MDGA2: variants seen among roughly 807,000 people sequenced by gnomAD.
MDGA2 encodes the protein MAM domain containing glycosylphosphatidylinositol anchor 2, also known as MAM domain-containing glycosylphosphatidylinositol anchor protein 2.
A neutral mutation model predicts 117.8 loss-of-function variants in MDGA2; 40 were observed. The observed-to-expected ratio is 0.34, with a 90% confidence interval of 0.26 to 0.44. The LOEUF (loss-of-function observed/expected upper bound fraction) is 0.44, where lower values mean the gene tolerates loss of function less well. Among genes scored for constraint, MDGA2 ranks in the 20% least tolerant of loss-of-function variants. The probability of loss-of-function intolerance (pLI) is 1.00; values close to 1 mark genes in which losing one functional copy is unlikely to be tolerated. For missense variants in MDGA2, 1,123 were observed against 1,250.6 expected (o/e 0.90, Z 1.54); for synonymous variants, 452 against 439.0 (o/e 1.03, Z -0.37).
chr14:47,596,626 T>C (rs1172780758), intron 1 of MDGA2, among the ~76,000 whole-genome samples: 2 of 152,176 alleles, frequency 1.3e-5, no homozygotes, highest in Non-Finnish European at 2.9e-5. Flanking sequence ...AGCAAGTGCC[T>C]AGAAATTGTA....
intron 1 of MDGA2, among the ~76,000 whole-genome samples, chr14:47,443,030 G>A (rs1357087135): frequency 6.6e-6 from 1 of 152,046 alleles, no homozygotes. Flanking sequence ...AATCATGGCC[G>A]CAATGTGCAA....
At chr14:47,629,040 AC>A (rs1897205860) in intron 1 of MDGA2, among the ~76,000 whole-genome samples, 2 of 152,154 alleles carry the variant, frequency 1.3e-5, no homozygotes, top group South Asian at 4.1e-4. Context: ...CTGTTCTTTC[AC>A]TTCTCTTGAT....
chr14:46,957,457 C>T lies in MDGA2; in HGVS notation c.2006G>A (p.Ser669Asn). The T allele has an allele frequency of 6.2e-7, 1 of 1,614,116 alleles. No individual in the cohort carries two copies. The highest frequency in any genetic ancestry group is 1.1e-5 in the South Asian group (1 of 91,088). ...SQEYTEYAVK[S>N]LSNENYGVYN... ...AACCCCATAGTTTTCATTGGAAAGA[C>T]TCTTCACAGCGTACTCTGTGTATTC... The change falls in exon 9 of 17, where the codon AGT (serine) becomes AAT (asparagine). Residue 669 changes from serine (S) to asparagine (N), a missense_variant. Ser to Asn is a conservative substitution (Grantham distance 46). This residue lies in a region of MDGA2 where 890 missense variants were observed against 1,050.3 expected (regional missense o/e 0.85). Coordinates refer to ENST00000399232, the MANE Select transcript of MDGA2 (RefSeq NM_001113498.3).
At chr14:47,560,361 G>A (rs1431707101) in intron 1 of MDGA2, among the ~76,000 whole-genome samples, 4 of 152,068 alleles carry the variant, frequency 2.6e-5, no homozygotes, top group East Asian at 1.9e-4. Flanking sequence ...GTTAGCCACC[G>A]CGCCCAGCCT....
chr14:47,607,565 G>C (rs929448206), intron 1 of MDGA2, among the ~76,000 whole-genome samples: 1 of 152,112 alleles, frequency 6.6e-6, no homozygotes, highest in Non-Finnish European at 1.5e-5. Flanking sequence ...AAGATCAATG[G>C]CAGCAGTTTT....
intron 1 of MDGA2, among the ~76,000 whole-genome samples, chr14:47,413,006 T>G (rs1174206196): frequency 2.6e-5 from 4 of 152,302 alleles, no homozygotes; most frequent in Non-Finnish European, 5.9e-5. Context: ...TTTCATTTTG[T>G]TTTTTCAGGA....
chr14:47,187,917 T>G (rs1884969058), intron 3 of MDGA2, among the ~76,000 whole-genome samples: 1 of 148,668 alleles, frequency 6.7e-6, no homozygotes, highest in African/African-American at 2.5e-5. Flanking sequence ...TTAAAGTAGG[T>G]TGTGTGTGTG....
At position 47,243,960 on chromosome 14, in the gene MDGA2, A is replaced by C. The variant is rs138594167; in HGVS notation, c.421-25765T>G. Among the ~76,000 whole-genome samples, 49 of 151,972 alleles carry C rather than the reference A, an allele frequency of 3.2e-4. 1 individual carries two copies. The South Asian group carries it at 6.9e-3, about 21-fold the overall frequency. On this transcript the variant is annotated intron_variant, in intron 2 of 16. Transcript: ENST00000399232. ...AAAAAATTAGATGACCACTGCAATT[A>C]TTTCTAGCTTAATAATTCTAAAATT...
intron 8 of MDGA2, among the ~76,000 whole-genome samples, chr14:47,010,484 T>C (rs1887860897): frequency 6.6e-6 from 1 of 152,106 alleles, no homozygotes; most frequent in South Asian, 2.1e-4. Flanking sequence ...TCCAATAAAG[T>C]AATCATTTTT....
intron 1 of MDGA2, among the ~76,000 whole-genome samples, chr14:47,604,388 C>T (rs1302392340): frequency 6.6e-6 from 1 of 151,788 alleles, no homozygotes; most frequent in Middle Eastern, 3.2e-3. Flanking sequence ...ACAATCTTAG[C>T]TCTCTGCAGC....
At chr14:47,518,352 G>A (rs943869592) in intron 1 of MDGA2, among the ~76,000 whole-genome samples, 5 of 152,028 alleles carry the variant, frequency 3.3e-5, no homozygotes, top group Non-Finnish European at 7.4e-5. Context: ...TATCTATATA[G>A]AGATAAATAA....
chr14:47,233,910 A>G (rs532542264), intron 2 of MDGA2, among the ~76,000 whole-genome samples: 2 of 152,226 alleles, frequency 1.3e-5, no homozygotes, highest in African/African-American at 4.8e-5. Flanking sequence ...TAGCCTCACA[A>G]CTTGCACTCA....
chr14:47,254,379 C>G (rs562629031), intron 2 of MDGA2, among the ~76,000 whole-genome samples: 1 of 152,302 alleles, frequency 6.6e-6, no homozygotes, highest in East Asian at 1.9e-4. Context: ...CCTAAATCAT[C>G]TCACTCACAC....
chr14:47,561,158 G>GGTTTTTTTTTTTTTTTTTTT (rs1566515949), intron 1 of MDGA2, among the ~76,000 whole-genome samples: 1 of 55,070 alleles, frequency 1.8e-5, no homozygotes, highest in Non-Finnish European at 4.3e-5. Context: ...TTTTTGTTTT[G>GGTTTTTTTTTTTTTTTTTTT]TTTTGTTTTT....
chr14:46,955,338 G>A (rs185473184), intron 9 of MDGA2, among the ~76,000 whole-genome samples: 1 of 152,036 alleles, frequency 6.6e-6, no homozygotes, highest in African/African-American at 2.4e-5. Context: ...TGGCATCTGG[G>A]TTTCTACTAA....
At chr14:47,166,556 G>A (rs1454178169) in intron 3 of MDGA2, among the ~76,000 whole-genome samples, 1 of 152,010 alleles carries the variant, frequency 6.6e-6, no homozygotes. Context: ...TCTGGTCTTA[G>A]GCAACATAAC....
intron 1 of MDGA2, among the ~76,000 whole-genome samples, chr14:47,430,583 C>G (rs1566452875): frequency 6.6e-6 from 1 of 151,894 alleles, no homozygotes; most frequent in East Asian, 1.9e-4. Context: ...AAAGGGGTAC[C>G]ATTATATTAC....
At chr14:46,910,849 C>A (rs78391477) in intron 10 of MDGA2, among the ~76,000 whole-genome samples, 1 of 152,064 alleles carries the variant, frequency 6.6e-6, no homozygotes, top group African/African-American at 2.4e-5. Flanking sequence ...TGCGGGGACA[C>A]GGATGGAGCT....
rs149887797 is a variant in MDGA2, at chr14:47,308,150, G to A, written c.281-6600C>T. The stretch of plus-strand genomic sequence containing the variant: ...ATTTTGACTGAGCAATGGCTGCAGA[G>A]AATTGGAGTCAAAAGATGAACGATG... On this transcript the variant is annotated intron_variant, in intron 1 of 16. Transcript: ENST00000399232. Among the ~76,000 whole-genome samples the A allele has an allele frequency of 2.9e-3, 442 of 152,248 alleles. 5 individuals carry two copies. The highest frequency in any genetic ancestry group is 5.4e-3 in the Non-Finnish European group (370 of 68,012).
Sources: allele counts gnomAD v4.1 joint callset (sites outside exome capture counted in the v4.1 genomes callset), GRCh38; gene constraint gnomAD v4.1.1; regional missense constraint gnomAD v4.1.1; transcripts MANE v1.5; gene names NCBI Gene and HGNC (gene_info 2026-07-23, HGNC 2026-07-21).